The following COX16 variants were observed in gnomAD, a reference collection of about 807,000 sequenced individuals.
COX16 encodes cytochrome c oxidase assembly factor COX16.
A neutral mutation model predicts 15.4 loss-of-function variants in COX16; 12 were observed. The observed-to-expected ratio is 0.78, with a 90% CI of 0.50 to 1.26. The LOEUF (loss-of-function observed/expected upper bound fraction) is 1.26, where lower values mean the gene tolerates loss of function less well. Ranked by LOEUF, COX16 falls within the 50% of genes most tolerant of loss-of-function variation. The pLI is 0.00. For missense variants in COX16, 124 were observed against 127.6 expected (o/e 0.97, Z 0.14); for synonymous variants, 46 against 41.1 (o/e 1.12, Z -0.46).
Position 70,329,246 on chromosome 14 carries a change from A to G in COX16, c.142-10T>C. Reference sequence around the variant, plus strand: ...CAAGCTCAGGATCCATCTGTAGAAAAGGAAAAAAAGTAATAAGTTATCTAA... The same window carrying G: ...CAAGCTCAGGATCCATCTGTAGAAAGGGAAAAAAAGTAATAAGTTATCTAA... On this transcript the variant is annotated splice_polypyrimidine_tract_variant and intron_variant, in intron 2 of 3. Transcript: ENST00000389912. The G allele has an allele frequency of 1.3e-6, 2 of 1,594,452 alleles. No individual in the cohort carries two copies. Among genetic ancestry groups the G allele is most frequent in the South Asian group, 1.1e-5 (1 of 87,156 alleles).
chr14:70,341,808 A>G (rs1349435397), intron 2 of COX16, among the ~76,000 whole-genome samples: 4 of 152,142 alleles, frequency 2.6e-5, no homozygotes, highest in African/African-American at 7.2e-5. Flanking sequence ...TCAATTTACA[A>G]TGAGTTTAGC....
intron 3 of COX16, 135 bp downstream of exon 3, chr14:70,329,039 G>T (rs7157430): frequency 0.86 from 567,496 of 660,322 alleles, 244,166 homozygotes; most frequent in African/African-American, 0.91. Context: ...CTTTTTATTT[G>T]CTTTTCAAAT....
chr14:70,346,148 A>C (rs1886773876), intron 1 of COX16, among the ~76,000 whole-genome samples: 1 of 152,058 alleles, frequency 6.6e-6, no homozygotes, highest in Non-Finnish European at 1.5e-5. Context: ...CCATTATCTT[A>C]AACCTTCGGT....
rs1227096215 is a variant in COX16 at position 70,326,362 on chromosome 14, G to A, written c.292C>T (p.Pro98Ser). Reference sequence around the variant, plus strand: ...GTTGTCTTAGTCTTAAGGCTTTCTGGATTTCTTCCTTGGAGGAGGTCAGGA... The same window carrying A: ...GTTGTCTTAGTCTTAAGGCTTTCTGAATTTCTTCCTTGGAGGAGGTCAGGA... ...EDPDLLQGRN[P>S]ESLKTKTT Residue 98 changes from proline (P) to serine (S), a missense_variant, in exon 4 of 4, where the codon CCA (proline) becomes TCA (serine). By Grantham distance (74) the Pro-to-Ser change is moderately conservative. Coordinates refer to ENST00000389912, the MANE Select transcript of COX16 (RefSeq NM_016468.7). The A allele has an allele frequency of 6.3e-7, 1 of 1,576,084 alleles. No homozygotes were observed. The highest frequency in any genetic ancestry group is 1.8e-5 in the Admixed American group (1 of 55,452).
chr14:70,336,481 C>A (rs1260261858), intron 2 of COX16, among the ~76,000 whole-genome samples: 1 of 152,002 alleles, frequency 6.6e-6, no homozygotes, highest in African/African-American at 2.4e-5. Flanking sequence ...TCCTTGGTTT[C>A]TGTATTGTGT....
chr14:70,352,677 G>T (rs1294314451), intron 1 of COX16, among the ~76,000 whole-genome samples: 4 of 102,746 alleles, frequency 3.9e-5, no homozygotes, highest in African/African-American at 1.6e-4. Flanking sequence ...ACAGAGTCTC[G>T]CTCTGTCACT....
At chr14:70,333,940 C>G (rs1440954611) in intron 2 of COX16, among the ~76,000 whole-genome samples, 1 of 152,086 alleles carries the variant, frequency 6.6e-6, no homozygotes, top group South Asian at 2.1e-4. Flanking sequence ...ATTTAGAGTG[C>G]TGAGGAAAAC....
At chr14:70,344,788 C>T (rs563942129) in intron 1 of COX16, among the ~76,000 whole-genome samples, 6 of 152,222 alleles carry the variant, frequency 3.9e-5, no homozygotes, top group South Asian at 2.1e-4. Context: ...GAGAGCCGGC[C>T]GGAAAATACG....
intron 2 of COX16, among the ~76,000 whole-genome samples, chr14:70,331,197 G>A (rs905717875): frequency 1.3e-5 from 2 of 152,136 alleles, no homozygotes; most frequent in Non-Finnish European, 2.9e-5. Flanking sequence ...TAGTAGAGAC[G>A]GGGTTTCACC....
rs573618970 is a variant in COX16, at chr14:70,342,698, C to G, written c.101G>C (p.Arg34Pro). 8.7e-6 allele frequency: 14 copies of G among 1,612,850 alleles called. No individual in the cohort carries two copies. The East Asian group carries it at 8.9e-5, about 10-fold the overall frequency. The change falls in exon 2 of 4, where the codon CGT (arginine) becomes CCT (proline). Residue 34 changes from arginine to proline, a missense_variant. Coordinates refer to ENST00000389912, the MANE Select transcript of COX16 (RefSeq NM_016468.7). ...ATCATATCGGATTTGAGAAAACTCA[C>G]GAAGACCAAAAGAACCTCCAACAAT... Reference protein sequence around the residue: ...LLIVGGSFGLREFSQIRYDAV... With the variant: ...LLIVGGSFGLPEFSQIRYDAV...
intron 1 of COX16, among the ~76,000 whole-genome samples, chr14:70,357,979 A>G (rs1211382254): frequency 6.6e-6 from 1 of 152,238 alleles, no homozygotes; most frequent in Non-Finnish European, 1.5e-5. Context: ...ATAGTCAAAA[A>G]TTGAAACAAC....
intron 1 of COX16, among the ~76,000 whole-genome samples, chr14:70,350,718 T>A (rs1183614970): frequency 1.3e-5 from 2 of 152,252 alleles, no homozygotes; most frequent in Non-Finnish European, 2.9e-5. Flanking sequence ...TCTGTTCTCC[T>A]ATCATTTTCC....
intron 1 of COX16, among the ~76,000 whole-genome samples, chr14:70,355,278 A>G (rs1208541370): frequency 6.6e-6 from 1 of 151,682 alleles, no homozygotes; most frequent in Non-Finnish European, 1.5e-5. Flanking sequence ...AATTGATCAC[A>G]CTCTCCTCCT....
rs77863503 is a variant in COX16, at chr14:70,335,203, G to A, written c.142-5967C>T. Among the ~76,000 whole-genome samples, 28 of 152,178 alleles carry A rather than the reference G, an allele frequency of 1.8e-4. No individual in the cohort carries two copies. The East Asian group carries it at 3.9e-3, about 21-fold the overall frequency. On this transcript the variant is annotated intron_variant, in intron 2 of 3. Transcript: ENST00000389912. ...ACAGCTGAGCACCCAGATATACAAA[G>A]CAAATATTAACAAATCTAAAGGGAG...
chr14:70,328,707 G>A (rs967255730), intron 3 of COX16, among the ~76,000 whole-genome samples: 2 of 152,118 alleles, frequency 1.3e-5, no homozygotes. Context: ...TTTTCACATT[G>A]ATTTGGAGAT....
At chr14:70,326,668 T>C (rs972842831) in intron 3 of COX16, among the ~76,000 whole-genome samples, 4 of 152,194 alleles carry the variant, frequency 2.6e-5, no homozygotes, top group African/African-American at 9.7e-5. Flanking sequence ...TTACGCCACC[T>C]TAACCGTAAA....
Position 70,329,205 on chromosome 14 carries a change from T to C in COX16, c.173A>G (p.Glu58Gly), listed in dbSNP as rs1394295433. ...MDPELEKKLK[E>G]NKISLESEYE... ...TTCCGACTCTAAAGATATTTTATTC[T>C]CTTTCAGTTTTTTTTCAAGCTCAGG... The change falls in exon 3 of 4, where the codon GAG becomes GGG. Residue 58 changes from glutamate (E) to glycine (G), a missense_variant. Coordinates refer to ENST00000389912, the MANE Select transcript of COX16 (RefSeq NM_016468.7). 1 of 1,608,472 alleles carries C rather than the reference T, an allele frequency of 6.2e-7. No homozygotes were observed. The highest frequency in any genetic ancestry group is 8.5e-7 in the Non-Finnish European group (1 of 1,177,112).
chr14:70,340,780 A>G (rs1251572778), intron 2 of COX16, among the ~76,000 whole-genome samples: 1 of 152,236 alleles, frequency 6.6e-6, no homozygotes, highest in Non-Finnish European at 1.5e-5. Flanking sequence ...CTTATAGAAT[A>G]TAAGTCATTT....
intron 3 of COX16, among the ~76,000 whole-genome samples, chr14:70,328,945 T>C (rs996268706): frequency 6.6e-6 from 1 of 152,084 alleles, no homozygotes; most frequent in African/African-American, 2.4e-5. Context: ...ATTCTCCTAG[T>C]ACTTTCAGCA....
Sources: allele counts gnomAD v4.1 joint callset (sites outside exome capture counted in the v4.1 genomes callset), GRCh38; gene constraint gnomAD v4.1.1; transcripts MANE v1.5; gene names NCBI Gene and HGNC (gene_info 2026-07-23, HGNC 2026-07-21).